Variants in FGGY observed in about 807,000 individuals in gnomAD.
FGGY encodes FGGY carbohydrate kinase domain-containing protein.
In FGGY, 72 loss-of-function variants were observed where a neutral mutation model predicts 71.3. The ratio of observed to expected loss-of-function variants is 1.01; its 90% CI spans 0.84 to 1.23. The LOEUF (loss-of-function observed/expected upper bound fraction) is 1.23. FGGY is among the 50% of genes most tolerant of loss of function. The pLI is 0.00. For synonymous variants in FGGY, 251 were observed against 250.3 expected (o/e 1.00, Z -0.02); for missense variants, 668 against 682.3 (o/e 0.98, Z 0.23).
intron 5 of FGGY, among the ~76,000 whole-genome samples, chr1:59,383,841 C>A (rs1037926729): frequency 1.3e-5 from 2 of 152,162 alleles, no homozygotes; most frequent in African/African-American, 4.8e-5. Context: ...TCAGTATTAA[C>A]CTTACATGTA....
At chr1:59,537,481 G>C (rs2095348958) in intron 7 of FGGY, among the ~76,000 whole-genome samples, 1 of 152,138 alleles carries the variant, frequency 6.6e-6, no homozygotes, top group Non-Finnish European at 1.5e-5. Flanking sequence ...TTTCTTCACA[G>C]AATTGGAAAA....
rs138756460 is a variant in FGGY, at chr1:59,714,156, G to A, written c.1512+40023G>A. On this transcript the variant is annotated intron_variant, in intron 14 of 15. Coordinates refer to ENST00000303721, the MANE Select transcript of FGGY (RefSeq NM_018291.5). ...CCCTTTCCTTCCAAAAAGTGTCTAG[G>A]ACTCAAAGGTGAGTTCATTGGGATA... 3.7e-3 allele frequency among the ~76,000 whole-genome samples: 557 copies of A among 152,210 alleles called. 3 individuals carry two copies. Among genetic ancestry groups the A allele is most frequent in the Non-Finnish European group, 6.8e-3 (465 of 68,008 alleles).
intron 4 of FGGY, among the ~76,000 whole-genome samples, chr1:59,364,484 C>G (rs1201354054): frequency 1.3e-5 from 2 of 152,220 alleles, no homozygotes; most frequent in Non-Finnish European, 2.9e-5. Flanking sequence ...TTTCTGCAGA[C>G]TTTAATTTGG....
At chr1:59,454,422 A>T (rs1462890189) in intron 5 of FGGY, among the ~76,000 whole-genome samples, 1 of 152,152 alleles carries the variant, frequency 6.6e-6, no homozygotes, top group Non-Finnish European at 1.5e-5. Context: ...CTTATTAGAG[A>T]TGTATGTTGC....
At chr1:59,364,363 A>G (rs1235005791) in intron 4 of FGGY, among the ~76,000 whole-genome samples, 1 of 152,232 alleles carries the variant, frequency 6.6e-6, no homozygotes, top group Admixed American at 6.5e-5. Context: ...TGCCTAGAAT[A>G]TGTCTCTGCT....
chr1:59,483,924 A>G lies in FGGY; in HGVS notation c.670+26848A>G, dbSNP rs534092591. On this transcript the variant is annotated intron_variant, in intron 6 of 15. Transcript: ENST00000303721. ...GAAGGAAGCAGGGGTCTTGAAGGGA[A>G]GATGTCTACTGTAAAAAAAATAGGG... Among the ~76,000 whole-genome samples the G allele has an allele frequency of 1.2e-3, 187 of 152,256 alleles. 1 individual carries two copies. The highest frequency in any genetic ancestry group is 4.2e-3 in the African/African-American group (175 of 41,568).
intron 14 of FGGY, among the ~76,000 whole-genome samples, chr1:59,716,386 A>G (rs1304399966): frequency 6.6e-6 from 1 of 152,186 alleles, no homozygotes; most frequent in Admixed American, 6.5e-5. Flanking sequence ...TTCTATGCCC[A>G]TGATCTCAGT....
intron 4 of FGGY, among the ~76,000 whole-genome samples, chr1:59,351,891 G>A (rs2153224506): frequency 6.6e-6 from 1 of 151,732 alleles, no homozygotes; most frequent in South Asian, 2.1e-4. Context: ...AAGTTGGGCA[G>A]AATTTGGGGT....
chr1:59,577,953 T>C (rs1302715703), intron 8 of FGGY, among the ~76,000 whole-genome samples: 1 of 152,156 alleles, frequency 6.6e-6, no homozygotes, highest in Non-Finnish European at 1.5e-5. Flanking sequence ...CATAGGGCTC[T>C]TCCTATCTTG....
intron 5 of FGGY, among the ~76,000 whole-genome samples, chr1:59,404,995 GCC>G: frequency 6.6e-6 from 1 of 152,266 alleles, no homozygotes; most frequent in South Asian, 2.1e-4. Context: ...CATAATGTAT[GCC>G]TGGTGAAATC....
intron 2 of FGGY, among the ~76,000 whole-genome samples, chr1:59,336,510 A>T (rs1389643638): frequency 4.3e-5 from 6 of 138,836 alleles, no homozygotes; most frequent in African/African-American, 1.1e-4. Context: ...AAGTTTTGGG[A>T]TACATGTGCA....
intron 7 of FGGY, among the ~76,000 whole-genome samples, chr1:59,514,554 T>C (rs1012859825): frequency 6.6e-6 from 1 of 152,198 alleles, no homozygotes; most frequent in African/African-American, 2.4e-5. Context: ...GTAAGTGATA[T>C]GGTTTGGCTG....
intron 14 of FGGY, among the ~76,000 whole-genome samples, chr1:59,743,585 C>A (rs896929796): frequency 1.4e-5 from 2 of 147,500 alleles, no homozygotes; most frequent in African/African-American, 4.9e-5. Context: ...AGGGCTGGAG[C>A]CTCCTAATTT....
At chr1:59,296,990 A>C (rs1029458184), upstream of FGGY, 3 of 152,898 alleles carry the variant, frequency 2.0e-5, no homozygotes, top group African/African-American at 7.2e-5. Flanking sequence ...GCCCAGAAAG[A>C]GGCTTCTCCA....
chr1:59,407,538 A>G (rs1231859128), intron 5 of FGGY, among the ~76,000 whole-genome samples: 4 of 152,104 alleles, frequency 2.6e-5, no homozygotes, highest in African/African-American at 9.7e-5. Context: ...GAACCTGACT[A>G]GCTCATCCAC....
chr1:59,525,302 C>T (rs550296844), intron 7 of FGGY, among the ~76,000 whole-genome samples: 2 of 152,218 alleles, frequency 1.3e-5, no homozygotes, highest in African/African-American at 2.4e-5. Flanking sequence ...AGGATGGTGG[C>T]GTGAGCTGAG....
At chr1:59,422,417 G>A (rs1273162021) in intron 5 of FGGY, among the ~76,000 whole-genome samples, 1 of 152,138 alleles carries the variant, frequency 6.6e-6, no homozygotes, top group Non-Finnish European at 1.5e-5. Context: ...TGCTGGGCTG[G>A]GCGTGGTGAT....
chr1:59,677,418 A>T (rs961575147), intron 14 of FGGY, among the ~76,000 whole-genome samples: 1 of 152,086 alleles, frequency 6.6e-6, no homozygotes, highest in African/African-American at 2.4e-5. Context: ...GGAGGATTTC[A>T]CTTCTTATCT....
intron 7 of FGGY, among the ~76,000 whole-genome samples, chr1:59,528,132 C>T (rs1316512805): frequency 6.6e-6 from 1 of 152,188 alleles, no homozygotes; most frequent in African/African-American, 2.4e-5. Flanking sequence ...TTAGACTCAA[C>T]GTTGTTTACC....
Sources: allele counts gnomAD v4.1 joint callset (sites outside exome capture counted in the v4.1 genomes callset), GRCh38; gene constraint gnomAD v4.1.1; transcripts MANE v1.5; gene names NCBI Gene and HGNC (gene_info 2026-07-23, HGNC 2026-07-21).